CACNA2D3: variants seen among roughly 807,000 people sequenced by gnomAD.
CACNA2D3 encodes calcium voltage-gated channel auxiliary subunit alpha2delta 3.
A neutral mutation model predicts 160.6 loss-of-function variants in CACNA2D3; 60 were observed. The ratio of observed to expected loss-of-function variants is 0.37; its 90% CI spans 0.30 to 0.46. The LOEUF is 0.46. Among genes scored for constraint, CACNA2D3 ranks in the 20% least tolerant of loss-of-function variants. The probability of loss-of-function intolerance (pLI) is 1.00; values close to 1 mark genes in which losing one functional copy is unlikely to be tolerated. For missense variants in CACNA2D3, 1,205 were observed against 1,365.0 expected (o/e 0.88, Z 1.85); for synonymous variants, 558 against 492.9 (o/e 1.13, Z -1.75).
chr3:55,048,989 C>A (rs1340168017), intron 35 of CACNA2D3, among the ~76,000 whole-genome samples: 4 of 146,404 alleles, frequency 2.7e-5, no homozygotes, highest in Admixed American at 1.3e-4. Context: ...TGATTCTTCT[C>A]TCTTTTTTTC....
chr3:54,175,172 C>T (rs1700651718), intron 2 of CACNA2D3, among the ~76,000 whole-genome samples: 1 of 152,160 alleles, frequency 6.6e-6, no homozygotes, highest in African/African-American at 2.4e-5. Context: ...CACATTGTAG[C>T]TGGTTTTTCA....
At position 54,291,596 on chromosome 3, in the gene CACNA2D3, C is replaced by T. The variant is rs915389939; in HGVS notation, c.205-28846C>T. Reference sequence around the variant, plus strand: ...CTATGGACTAGGAAAAAGTGTGCCTCTCCCCAGCGAAACAGAACAGAGCCT... The same window carrying T: ...CTATGGACTAGGAAAAAGTGTGCCTTTCCCCAGCGAAACAGAACAGAGCCT... On this transcript the variant is annotated intron_variant, in intron 2 of 37. Transcript: ENST00000474759. Among the ~76,000 whole-genome samples the T allele has an allele frequency of 2.6e-5, 4 of 152,274 alleles. No individual in the cohort carries two copies. In the East Asian group the frequency reaches 5.8e-4, roughly 22 times the overall value.
At chr3:54,476,879 C>T (rs992037089) in intron 4 of CACNA2D3, among the ~76,000 whole-genome samples, 1 of 152,162 alleles carries the variant, frequency 6.6e-6, no homozygotes, top group African/African-American at 2.4e-5. Context: ...ATTTCTAAGA[C>T]ATCAATAACT....
intron 11 of CACNA2D3, among the ~76,000 whole-genome samples, chr3:54,711,956 A>G (rs1397154887): frequency 1.3e-5 from 2 of 152,162 alleles, no homozygotes; most frequent in African/African-American, 4.8e-5. Context: ...TATCAAATAC[A>G]GCCTGTGTTT....
intron 4 of CACNA2D3, among the ~76,000 whole-genome samples, chr3:54,464,338 A>AAC (rs1700570496): frequency 6.6e-6 from 1 of 152,050 alleles, no homozygotes; most frequent in Non-Finnish European, 1.5e-5. Context: ...TGCAGAGGTT[A>AAC]CTGCTGTCTT....
intron 4 of CACNA2D3, among the ~76,000 whole-genome samples, chr3:54,462,758 G>A (rs1314926527): frequency 6.6e-6 from 1 of 152,066 alleles, no homozygotes; most frequent in Non-Finnish European, 1.5e-5. Flanking sequence ...TTTAATTGGA[G>A]CATTTAGTCC....
intron 5 of CACNA2D3, among the ~76,000 whole-genome samples, chr3:54,557,404 A>G (rs1304587319): frequency 1.3e-5 from 2 of 152,148 alleles, no homozygotes; most frequent in African/African-American, 4.8e-5. Context: ...GCAATCTTAG[A>G]TTTCTAGGAC....
At chr3:54,592,601 C>CT (rs1702881892) in intron 9 of CACNA2D3, among the ~76,000 whole-genome samples, 1 of 152,088 alleles carries the variant, frequency 6.6e-6, no homozygotes, top group Non-Finnish European at 1.5e-5. Context: ...CTCCTGTGGT[C>CT]TGTCTTGGGG....
chr3:54,481,793 G>T (rs910650604), intron 4 of CACNA2D3, among the ~76,000 whole-genome samples: 2 of 152,170 alleles, frequency 1.3e-5, no homozygotes, highest in Non-Finnish European at 1.5e-5. Context: ...GCTTTGAGAG[G>T]TTAAGCAATG....
At chr3:54,683,406 G>A (rs1285281507) in intron 11 of CACNA2D3, among the ~76,000 whole-genome samples, 1 of 152,238 alleles carries the variant, frequency 6.6e-6, no homozygotes, top group Non-Finnish European at 1.5e-5. Context: ...GCAGTAGGAA[G>A]TAGTGATTAC....
chr3:54,993,022 C>G (rs182008453), intron 31 of CACNA2D3, among the ~76,000 whole-genome samples: 1 of 152,130 alleles, frequency 6.6e-6, no homozygotes, highest in Non-Finnish European at 1.5e-5. Context: ...TGAGCACTCA[C>G]TCACTATCAC....
At chr3:54,369,502 C>CT in intron 3 of CACNA2D3, among the ~76,000 whole-genome samples, 1 of 152,138 alleles carries the variant, frequency 6.6e-6, no homozygotes, top group Admixed American at 6.5e-5. Context: ...CCACTGGACC[C>CT]CAGCCTCTGA....
At chr3:54,391,879 C>T (rs935168707) in intron 4 of CACNA2D3, among the ~76,000 whole-genome samples, 1 of 152,128 alleles carries the variant, frequency 6.6e-6, no homozygotes, top group Non-Finnish European at 1.5e-5. Context: ...TTTCTGGTGG[C>T]CTGTGGGTTC....
intron 2 of CACNA2D3, among the ~76,000 whole-genome samples, chr3:54,266,639 T>C (rs375631234): frequency 1.3e-5 from 2 of 152,206 alleles, no homozygotes; most frequent in African/African-American, 4.8e-5. Context: ...GATGAATGAA[T>C]GATTTCAGTA....
chr3:54,970,420 C>G (rs186312201), intron 29 of CACNA2D3, among the ~76,000 whole-genome samples: 8 of 144,946 alleles, frequency 5.5e-5, no homozygotes, highest in Non-Finnish European at 1.2e-4. Flanking sequence ...TCTCTCTCTC[C>G]GTCTCCCTCC....
intron 3 of CACNA2D3, among the ~76,000 whole-genome samples, chr3:54,342,365 G>A (rs1698373296): frequency 6.6e-6 from 1 of 152,182 alleles, no homozygotes; most frequent in African/African-American, 2.4e-5. Context: ...ACAAAAAGCA[G>A]TCCTATGAGG....
At chr3:54,225,665 T>C (rs866383516) in intron 2 of CACNA2D3, among the ~76,000 whole-genome samples, 10 of 152,374 alleles carry the variant, frequency 6.6e-5, no homozygotes, top group Middle Eastern at 6.8e-3. Flanking sequence ...AGACAACAAT[T>C]ATTTGGTGAA....
chr3:54,390,739 T>A (rs939507031), intron 4 of CACNA2D3, among the ~76,000 whole-genome samples: 2 of 152,204 alleles, frequency 1.3e-5, no homozygotes, highest in Non-Finnish European at 2.9e-5. Flanking sequence ...AGTGCAAGTA[T>A]ATTAACAGCT....
intron 4 of CACNA2D3, among the ~76,000 whole-genome samples, chr3:54,491,556 C>G (rs1701108775): frequency 6.6e-6 from 1 of 152,094 alleles, no homozygotes; most frequent in African/African-American, 2.4e-5. Context: ...GAAGCACTGT[C>G]TTAGGACACC....
Sources: gnomAD v4.1 joint callset for allele counts (sites outside exome capture counted in the v4.1 genomes callset) on GRCh38, gnomAD v4.1.1 for gene constraint, MANE v1.5 for transcripts, NCBI Gene and HGNC (gene_info 2026-07-23, HGNC 2026-07-21) for gene names.